Variants in SDK1 observed in about 807,000 individuals in gnomAD.
SDK1 encodes the protein protein sidekick-1.
In SDK1, 157 loss-of-function variants were observed where a neutral mutation model predicts 245.5. The observed-to-expected ratio is 0.64, with a 90% CI of 0.56 to 0.73. The LOEUF (loss-of-function observed/expected upper bound fraction) is 0.73. SDK1 is among the 30% of genes least tolerant of loss of function. The pLI is 0.00. For synonymous variants in SDK1, 1,647 were observed against 1,278.5 expected (o/e 1.29, Z -6.15); for missense variants, 3,583 against 3,002.3 (o/e 1.19, Z -4.52).
At chr7:4,077,318 A>C (rs2128177545) in intron 21 of SDK1, 129 bp downstream of exon 21, 1 of 842,442 alleles carries the variant, frequency 1.2e-6, no homozygotes, top group Non-Finnish European at 1.9e-6. Flanking sequence ...CCTCCTGCCA[A>C]GATGCTGGAG....
intron 1 of SDK1, among the ~76,000 whole-genome samples, chr7:3,327,075 G>A (rs1286842676): frequency 6.6e-6 from 1 of 152,164 alleles, no homozygotes; most frequent in Non-Finnish European, 1.5e-5. Flanking sequence ...TTCCAGAAAG[G>A]TAACCAGACT....
intron 1 of SDK1, among the ~76,000 whole-genome samples, chr7:3,603,794 A>G (rs1781328069): frequency 6.6e-6 from 1 of 152,166 alleles, no homozygotes; most frequent in Non-Finnish European, 1.5e-5. Context: ...GTTTTTGCGC[A>G]TTCAGTATGA....
intron 5 of SDK1, among the ~76,000 whole-genome samples, chr7:3,842,760 T>A (rs571408237): frequency 1.3e-5 from 2 of 152,246 alleles, no homozygotes; most frequent in East Asian, 1.9e-4. Flanking sequence ...CTCCCTCACT[T>A]CTTCTTCACG....
intron 19 of SDK1, among the ~76,000 whole-genome samples, chr7:4,064,772 A>G (rs149864223): frequency 5.3e-4 from 81 of 152,302 alleles, no homozygotes; most frequent in African/African-American, 1.9e-3. Context: ...ACATGCAGGG[A>G]ACTGGAGGGC....
intron 1 of SDK1, among the ~76,000 whole-genome samples, chr7:3,322,798 T>C (rs2128548008): frequency 6.6e-6 from 1 of 152,260 alleles, no homozygotes; most frequent in East Asian, 1.9e-4. Context: ...TAATGTGTTG[T>C]CCCCACCTGC....
At chr7:3,966,138 T>C (rs1782065605) in intron 9 of SDK1, among the ~76,000 whole-genome samples, 1 of 151,828 alleles carries the variant, frequency 6.6e-6, no homozygotes, top group African/African-American at 2.4e-5. Flanking sequence ...TGTTGAGACC[T>C]GTTAGGGGGC....
intron 1 of SDK1, among the ~76,000 whole-genome samples, chr7:3,547,954 G>C (rs1326957266): frequency 6.6e-6 from 1 of 152,198 alleles, no homozygotes; most frequent in Non-Finnish European, 1.5e-5. Flanking sequence ...AGCATAGTCA[G>C]TGTCTTTTAA....
At chr7:3,782,516 T>C (rs892085707) in intron 4 of SDK1, among the ~76,000 whole-genome samples, 14 of 152,200 alleles carry the variant, frequency 9.2e-5, no homozygotes, top group African/African-American at 2.6e-4. Flanking sequence ...CCAAGGCACA[T>C]AGTAATACAA....
intron 44 of SDK1, among the ~76,000 whole-genome samples, chr7:4,248,084 G>A (rs73050217): frequency 0.13 from 19,392 of 152,076 alleles, 1,591 homozygotes; most frequent in Non-Finnish European, 0.19. Flanking sequence ...ATTTAACATC[G>A]GCAAATGTTT....
intron 13 of SDK1, among the ~76,000 whole-genome samples, chr7:3,984,884 C>G (rs538229388): frequency 6.6e-6 from 1 of 152,338 alleles, no homozygotes; most frequent in East Asian, 1.9e-4. Flanking sequence ...CATTGCTGGT[C>G]TCTCTGTGCA....
At chr7:4,201,988 C>G (rs1182084209) in intron 35 of SDK1, among the ~76,000 whole-genome samples, 1 of 152,196 alleles carries the variant, frequency 6.6e-6, no homozygotes, top group Non-Finnish European at 1.5e-5. Flanking sequence ...CCCTTCTACT[C>G]TTTCTCCTTC....
intron 1 of SDK1, among the ~76,000 whole-genome samples, chr7:3,334,446 A>G (rs1044110779): frequency 5.9e-5 from 9 of 151,970 alleles, no homozygotes; most frequent in African/African-American, 2.2e-4. Flanking sequence ...AAATGACCAC[A>G]GGTAGCTGTC....
chr7:3,437,545 G>A (rs1395526209), intron 1 of SDK1, among the ~76,000 whole-genome samples: 1 of 152,152 alleles, frequency 6.6e-6, no homozygotes, highest in Non-Finnish European at 1.5e-5. Context: ...GCTGAGGTGG[G>A]AAGATTGCTT....
chr7:4,173,497 C>G (rs543560192), intron 32 of SDK1, among the ~76,000 whole-genome samples: 5 of 152,350 alleles, frequency 3.3e-5, no homozygotes, highest in South Asian at 4.1e-4. Context: ...TAGATTCCAG[C>G]AAGACCTGAA....
chr7:3,917,209 A>G (rs564921640), intron 5 of SDK1, among the ~76,000 whole-genome samples: 1 of 152,368 alleles, frequency 6.6e-6, no homozygotes, highest in Non-Finnish European at 1.5e-5. Flanking sequence ...ATCACTTGAA[A>G]GCATACGTCT....
intron 1 of SDK1, among the ~76,000 whole-genome samples, chr7:3,612,432 A>T (rs978728600): frequency 3.9e-5 from 6 of 152,188 alleles, no homozygotes; most frequent in African/African-American, 1.4e-4. Context: ...AGCACATTGC[A>T]CTGTGAGATT....
intron 1 of SDK1, among the ~76,000 whole-genome samples, chr7:3,426,424 G>T (rs1040788304): frequency 6.6e-6 from 1 of 152,174 alleles, no homozygotes; most frequent in Admixed American, 6.5e-5. Context: ...TTTACTAGCT[G>T]TGCCACCCTA....
chr7:4,048,438 G>A (rs1197256886), intron 17 of SDK1, among the ~76,000 whole-genome samples: 1 of 152,150 alleles, frequency 6.6e-6, no homozygotes, highest in Non-Finnish European at 1.5e-5. Flanking sequence ...GGGCACGGTA[G>A]ACAATCCCAG....
At chr7:3,565,274 C>G (rs536797427) in intron 1 of SDK1, among the ~76,000 whole-genome samples, 53 of 152,046 alleles carry the variant, frequency 3.5e-4, no homozygotes, top group Admixed American at 3.1e-3. Context: ...TAAATTGCAT[C>G]CAGAACCTTA....
Sources: gnomAD v4.1 joint callset for allele counts (sites outside exome capture counted in the v4.1 genomes callset) on GRCh38, gnomAD v4.1.1 for gene constraint, MANE v1.5 for transcripts, NCBI Gene and HGNC (gene_info 2026-07-23, HGNC 2026-07-21) for gene names.